PTPRM: variants seen among roughly 807,000 people sequenced by gnomAD.
PTPRM encodes protein tyrosine phosphatase receptor type M, also known as receptor-type tyrosine-protein phosphatase mu.
PTPRM carries 47 observed loss-of-function variants against 186.7 expected under a neutral mutation model. The observed-to-expected ratio is 0.25, with a 90% CI of 0.20 to 0.32. PTPRM has a LOEUF of 0.32. Ranked by LOEUF, PTPRM falls within the 10% of genes least tolerant of loss-of-function variation. PTPRM has a pLI of 1.00. For missense variants in PTPRM, 1,494 were observed against 1,865.0 expected (o/e 0.80, Z 3.66); for synonymous variants, 668 against 674.9 (o/e 0.99, Z 0.16).
intron 1 of PTPRM, among the ~76,000 whole-genome samples, chr18:7,614,811 T>C (rs7233631): frequency 0.36 from 54,783 of 152,058 alleles, 15,051 homozygotes; most frequent in African/African-American, 0.73. Flanking sequence ...AAGGTGGCTT[T>C]TTGCATGGGC....
At position 8,274,155 on chromosome 18, in the gene PTPRM, G is replaced by A. The variant is rs115967414; in HGVS notation, c.2754+20741G>A. Among the ~76,000 whole-genome samples the A allele has an allele frequency of 7.3e-4, 111 of 152,120 alleles. No individual in the cohort carries two copies. In the Middle Eastern group the frequency reaches 0.01, roughly 14 times the overall value. On this transcript the variant is annotated intron_variant, in intron 19 of 32. Coordinates refer to ENST00000580170, the MANE Select transcript of PTPRM (RefSeq NM_001105244.2). ...CTAAATCTTGTATAGAGTTTTCAGC[G>A]GTTTATGCTTTGTTTAGGGTCTTGA...
chr18:7,799,481 A>G (rs1214690978), intron 2 of PTPRM, among the ~76,000 whole-genome samples: 1 of 152,234 alleles, frequency 6.6e-6, no homozygotes, highest in African/African-American at 2.4e-5. Flanking sequence ...TTAAATCTAT[A>G]GATCAGTTTG....
At chr18:8,165,212 G>C (rs900501793) in intron 14 of PTPRM, among the ~76,000 whole-genome samples, 1 of 151,722 alleles carries the variant, frequency 6.6e-6, no homozygotes, top group Non-Finnish European at 1.5e-5. Context: ...TTCTAATACT[G>C]GTAGAGTGAT....
At chr18:7,677,393 A>C (rs1420049842) in intron 1 of PTPRM, among the ~76,000 whole-genome samples, 1 of 152,192 alleles carries the variant, frequency 6.6e-6, no homozygotes, top group Admixed American at 6.5e-5. Flanking sequence ...ATACAGCATA[A>C]CTATAATGTT....
intron 26 of PTPRM, chr18:8,376,865 C>T: frequency 2.6e-6 from 1 of 377,994 alleles, no homozygotes; most frequent in Non-Finnish European, 4.7e-6. Context: ...CCAAAAAAGT[C>T]TCTGTTAAGT....
chr18:7,926,769 C>T (rs757682418), intron 5 of PTPRM, 86 bp downstream of exon 5: 9 of 896,480 alleles, frequency 1.0e-5, no homozygotes, highest in Non-Finnish European at 1.5e-5. Context: ...GAAACAGACT[C>T]AGGTCCTAGT....
At chr18:8,327,961 T>C (rs1353523629) in intron 22 of PTPRM, among the ~76,000 whole-genome samples, 1 of 152,188 alleles carries the variant, frequency 6.6e-6, no homozygotes, top group East Asian at 1.9e-4. Context: ...GAACAAACTT[T>C]TATGTGAAAA....
intron 20 of PTPRM, among the ~76,000 whole-genome samples, chr18:8,307,764 A>G (rs1486698360): frequency 6.6e-6 from 1 of 151,958 alleles, no homozygotes; most frequent in East Asian, 1.9e-4. Flanking sequence ...AGATCGCGCC[A>G]TTGCACTCCA....
chr18:8,238,729 T>C (rs1025918433), intron 14 of PTPRM, among the ~76,000 whole-genome samples: 4 of 130,790 alleles, frequency 3.1e-5, no homozygotes, highest in African/African-American at 1.1e-4. Context: ...CTGTGGTAAA[T>C]AGGCCTTTAG....
chr18:7,660,525 A>G lies in PTPRM; in HGVS notation c.73+92634A>G, dbSNP rs185179673. Among the ~76,000 whole-genome samples, 439 of 152,204 alleles carry G rather than the reference A, an allele frequency of 2.9e-3. 3 individuals carry two copies. Among genetic ancestry groups the G allele is most frequent in the Admixed American group, 0.019 (297 of 15,290 alleles). ...ATGTTCCTGCTACCCCTATGGATCT[A>G]TTCTAGATTCTTTTCCTCAGCCTCC... On this transcript the variant is annotated intron_variant, in intron 1 of 32. Transcript: ENST00000580170.
intron 7 of PTPRM, among the ~76,000 whole-genome samples, chr18:8,055,403 A>G (rs2087849398): frequency 6.6e-6 from 1 of 152,046 alleles, no homozygotes; most frequent in African/African-American, 2.4e-5. Context: ...GCTGTGTCCA[A>G]TCTTGCTGTC....
rs373015243 is a variant in PTPRM at position 7,955,276 on chromosome 18, C to A, written c.994C>A (p.Pro332Thr). The change falls in exon 7 of 33, where the codon CCA becomes ACA. Residue 332 changes from proline (P) to threonine (T), a missense_variant. Physicochemically the swap from Pro to Thr is conservative, Grantham distance 38. Transcript: ENST00000580170. ...TASGSWNDRQ[P>T]VDSTSYKIGH... ...CAGTGGGAGCTGGAATGACCGGCAG[C>A]CAGTCGATTCCACGAGCTATAAAAT... is the stretch of plus-strand genomic sequence containing the variant. 6.2e-7 allele frequency: 1 copy of A among 1,613,998 alleles called. No homozygotes were observed. Among genetic ancestry groups the A allele is most frequent in the African/African-American group, 1.3e-5 (1 of 74,910 alleles).
At chr18:8,241,767 G>A (rs926676663) in intron 14 of PTPRM, among the ~76,000 whole-genome samples, 5 of 152,192 alleles carry the variant, frequency 3.3e-5, no homozygotes, top group Non-Finnish European at 7.3e-5. Context: ...CTAATGTGTA[G>A]GGTTAATGCA....
chr18:7,752,545 T>A, intron 1 of PTPRM, among the ~76,000 whole-genome samples: 1 of 152,144 alleles, frequency 6.6e-6, no homozygotes, highest in East Asian at 1.9e-4. Flanking sequence ...TTCCTCAGCC[T>A]CCCGAGTAGC....
intron 8 of PTPRM, among the ~76,000 whole-genome samples, chr18:8,071,989 C>T (rs373744926): frequency 1.3e-5 from 2 of 152,122 alleles, no homozygotes; most frequent in East Asian, 1.9e-4. Context: ...AGGGGCCTTT[C>T]TTAGTATTGT....
intron 1 of PTPRM, among the ~76,000 whole-genome samples, chr18:7,654,666 A>G (rs911035502): frequency 1.1e-4 from 16 of 152,212 alleles, no homozygotes; most frequent in Admixed American, 9.2e-4. Context: ...TCTTCTGCAT[A>G]TGGCTAGTCA....
intron 5 of PTPRM, among the ~76,000 whole-genome samples, chr18:7,927,873 TGGTA>T (rs1312861029): frequency 2.6e-5 from 4 of 152,152 alleles, no homozygotes; most frequent in Non-Finnish European, 5.9e-5. Context: ...CCCAAGTAGC[TGGTA>T]CAACAGGCAC....
intron 2 of PTPRM, among the ~76,000 whole-genome samples, chr18:7,848,097 T>C (rs1317773141): frequency 1.3e-5 from 2 of 152,238 alleles, no homozygotes; most frequent in Admixed American, 6.5e-5. Flanking sequence ...CATAGTCACA[T>C]TGCATTTACC....
At chr18:7,995,225 G>C (rs190560063) in intron 7 of PTPRM, among the ~76,000 whole-genome samples, 189 of 152,130 alleles carry the variant, frequency 1.2e-3, no homozygotes, top group African/African-American at 4.3e-3. Flanking sequence ...GATAGAATGA[G>C]GAAGAAATAG....
Sources: allele counts gnomAD v4.1 joint callset (sites outside exome capture counted in the v4.1 genomes callset), GRCh38; gene constraint gnomAD v4.1.1; transcripts MANE v1.5; gene names NCBI Gene and HGNC (gene_info 2026-07-23, HGNC 2026-07-21).